Variants in PRKCB observed in about 807,000 individuals in gnomAD.
PRKCB encodes protein kinase C beta.
In PRKCB, 13 loss-of-function variants were observed where a neutral mutation model predicts 81.5. The observed-to-expected ratio is 0.16, with a 90% CI of 0.10 to 0.25. The LOEUF (loss-of-function observed/expected upper bound fraction) is 0.25. Among genes scored for constraint, PRKCB ranks in the 10% least tolerant of loss-of-function variants. The pLI is 1.00. For missense variants in PRKCB, 509 were observed against 875.7 expected (o/e 0.58, Z 5.29); for synonymous variants, 335 against 321.4 (o/e 1.04, Z -0.45).
At chr16:24,118,850 C>G (rs1044490033) in intron 8 of PRKCB, among the ~76,000 whole-genome samples, 1 of 152,078 alleles carries the variant, frequency 6.6e-6, no homozygotes, top group Admixed American at 6.5e-5. Context: ...GGCATTGTCC[C>G]CTTGGAACAA....
At chr16:24,079,668 G>C (rs144695135) in intron 5 of PRKCB, among the ~76,000 whole-genome samples, 1 of 152,150 alleles carries the variant, frequency 6.6e-6, no homozygotes, top group Non-Finnish European at 1.5e-5. Context: ...ATACAATTCA[G>C]ACAATCCAAG....
chr16:24,006,416 A>T (rs1965122325), intron 3 of PRKCB, among the ~76,000 whole-genome samples: 1 of 152,230 alleles, frequency 6.6e-6, no homozygotes, highest in African/African-American at 2.4e-5. Flanking sequence ...CTACATAATA[A>T]TATTAGCTCC....
At chr16:24,021,091 T>TTTTC (rs1439131100) in intron 3 of PRKCB, among the ~76,000 whole-genome samples, 2 of 58,062 alleles carry the variant, frequency 3.4e-5, no homozygotes, top group South Asian at 1.4e-3. Flanking sequence ...TTCTTTCTTT[T>TTTTC]TTTCTTTCTT....
At chr16:24,193,377 G>A (rs1184562623) in intron 16 of PRKCB, among the ~76,000 whole-genome samples, 1 of 151,798 alleles carries the variant, frequency 6.6e-6, no homozygotes, top group African/African-American at 2.4e-5. Context: ...CCGAGGAGGT[G>A]GAGGTTGCAG....
chr16:24,198,154 G>C (rs1333906648), intron 16 of PRKCB, among the ~76,000 whole-genome samples: 1 of 152,214 alleles, frequency 6.6e-6, no homozygotes, highest in Non-Finnish European at 1.5e-5. Flanking sequence ...CCTTTGGCAT[G>C]GATGAGCATA....
intron 12 of PRKCB, among the ~76,000 whole-genome samples, chr16:24,180,014 G>A (rs113081101): frequency 0.088 from 13,351 of 151,740 alleles, 644 homozygotes; most frequent in East Asian, 0.19. Context: ...GCGTGATCTC[G>A]GCTCACTGCA....
At chr16:24,032,784 C>T (rs1248425671) in intron 4 of PRKCB, among the ~76,000 whole-genome samples, 2 of 152,212 alleles carry the variant, frequency 1.3e-5, no homozygotes, top group Non-Finnish European at 1.5e-5. Context: ...TCCTGATCCA[C>T]TGGTCAAAGC....
chr16:24,214,709 G>C lies in PRKCB; in HGVS notation c.1915G>C (p.Val639Leu), dbSNP rs1459204741. Residue 639 changes from valine (V) to leucine (L), a missense_variant, in exon 17 of 17, where the codon GTC becomes CTC. Val to Leu is a conservative substitution (Grantham distance 32). This residue lies in a region of PRKCB where 104 missense variants were observed against 160.5 expected (regional missense o/e 0.65). Coordinates refer to ENST00000643927, the MANE Select transcript of PRKCB (RefSeq NM_002738.7). ...FDRFFTRHPP[V>L]LTPPDQEVIR... ...CCGATTTTTCACCCGCCATCCACCA[G>C]TCCTAACACCTCCCGACCAGGAAGT... The C allele has an allele frequency of 1.2e-6, 2 of 1,614,122 alleles. No homozygotes were observed. The highest frequency in any genetic ancestry group is 3.3e-4 in the Middle Eastern group (2 of 6,062).
At chr16:23,882,023 TTCCTTCCTTCCTTCCTTCCTTCCTTCC>T (rs1567301140) in intron 2 of PRKCB, among the ~76,000 whole-genome samples, 43 of 93,732 alleles carry the variant, frequency 4.6e-4, no homozygotes, top group Admixed American at 6.8e-4. Context: ...TCTTTCTTTC[TTCCTTCCTTCCTTCCTTCCTTCCTTCC>T]TTCCTTCTTC....
intron 9 of PRKCB, among the ~76,000 whole-genome samples, chr16:24,126,449 G>A (rs1966844405): frequency 6.6e-6 from 1 of 152,052 alleles, no homozygotes; most frequent in African/African-American, 2.4e-5. Flanking sequence ...GGAATGTAGT[G>A]GTGCATTACG....
chr16:23,971,978 A>G (rs1596492602), intron 2 of PRKCB, among the ~76,000 whole-genome samples: 1 of 152,196 alleles, frequency 6.6e-6, no homozygotes, highest in Non-Finnish European at 1.5e-5. Context: ...AGACTTATAA[A>G]TGAATGTTCA....
At chr16:23,872,062 C>G (rs1962914700) in intron 2 of PRKCB, among the ~76,000 whole-genome samples, 3 of 152,182 alleles carry the variant, frequency 2.0e-5, no homozygotes, top group Admixed American at 6.5e-5. Flanking sequence ...CATGCTACAT[C>G]AAGGCCTGAG....
intron 2 of PRKCB, among the ~76,000 whole-genome samples, chr16:23,840,475 A>G (rs1597203829): frequency 6.6e-6 from 1 of 152,182 alleles, no homozygotes; most frequent in African/African-American, 2.4e-5. Flanking sequence ...TCACTTGTTT[A>G]AGTTGCTCAA....
intron 2 of PRKCB, among the ~76,000 whole-genome samples, chr16:23,950,980 C>G (rs1472394379): frequency 6.6e-6 from 1 of 152,142 alleles, no homozygotes; most frequent in Non-Finnish European, 1.5e-5. Flanking sequence ...CCGCCTTGTC[C>G]CTGGCTCCCA....
At chr16:23,921,539 C>T (rs1243849164) in intron 2 of PRKCB, among the ~76,000 whole-genome samples, 6 of 152,276 alleles carry the variant, frequency 3.9e-5, no homozygotes, top group East Asian at 3.9e-4. Context: ...AGATGGCTCA[C>T]GTCTGTAATC....
chr16:24,032,321 G>A, intron 4 of PRKCB, 74 bp downstream of exon 4: 1 of 1,102,170 alleles, frequency 9.1e-7, no homozygotes. Context: ...ACTTGGTTTG[G>A]GGTCCAGGTC....
intron 2 of PRKCB, among the ~76,000 whole-genome samples, chr16:23,873,186 A>G: frequency 1.5e-5 from 1 of 66,816 alleles, no homozygotes; most frequent in East Asian, 3.8e-4. Context: ...ACACACACAC[A>G]CACAAAAAAA....
At chr16:23,887,256 T>C (rs1014651786) in intron 2 of PRKCB, among the ~76,000 whole-genome samples, 3 of 152,198 alleles carry the variant, frequency 2.0e-5, no homozygotes, top group Non-Finnish European at 4.4e-5. Flanking sequence ...GTCACATGGG[T>C]ATATTGCGTG....
intron 5 of PRKCB, among the ~76,000 whole-genome samples, chr16:24,085,925 TG>T (rs1191560126): frequency 6.6e-6 from 1 of 152,200 alleles, no homozygotes; most frequent in Admixed American, 6.5e-5. Flanking sequence ...GTGTGATAAC[TG>T]TACCACTGCC....
Sources: gnomAD v4.1 joint callset for allele counts (sites outside exome capture counted in the v4.1 genomes callset) on GRCh38, gnomAD v4.1.1 for gene constraint, gnomAD v4.1.1 regional missense constraint, MANE v1.5 for transcripts, NCBI Gene and HGNC (gene_info 2026-07-23, HGNC 2026-07-21) for gene names.